The following ZNF33B variants were observed in gnomAD, a reference collection of about 807,000 sequenced individuals.
ZNF33B encodes zinc finger protein 11b (KOX 2).
In ZNF33B, 29 loss-of-function variants were observed where a neutral mutation model predicts 45.8. That is an observed-to-expected ratio of 0.63 (90% confidence interval 0.47 to 0.86). The LOEUF (loss-of-function observed/expected upper bound fraction) is 0.86. Among genes scored for constraint, ZNF33B ranks in the 40% least tolerant of loss-of-function variants. The pLI, the probability that ZNF33B is intolerant of heterozygous loss-of-function variation, is 0.00. For missense variants in ZNF33B, 831 were observed against 909.9 expected (o/e 0.91, Z 1.12); for synonymous variants, 305 against 307.8 (o/e 0.99, Z 0.10).
At chr10:42,633,523 G>C (rs1412417467) in intron 2 of ZNF33B, among the ~76,000 whole-genome samples, 1 of 152,222 alleles carries the variant, frequency 6.6e-6, no homozygotes, top group Non-Finnish European at 1.5e-5. Flanking sequence ...GCATCAAAAT[G>C]TGGTCACTAA....
chr10:42,595,748 G>A (rs2132046779), intron 4 of ZNF33B, among the ~76,000 whole-genome samples: 1 of 152,292 alleles, frequency 6.6e-6, no homozygotes, highest in African/African-American at 2.4e-5. Flanking sequence ...AGAAAAGGCT[G>A]TGTAAGGACA....
At chr10:42,581,193 A>T (rs749938207) in intron 1 of ZNF33B, among the ~76,000 whole-genome samples, 3 of 152,014 alleles carry the variant, frequency 2.0e-5, no homozygotes, top group Non-Finnish European at 4.4e-5. Flanking sequence ...CAAGAATGAA[A>T]GTGTGGCCCG....
At position 42,594,327 on chromosome 10, in the gene ZNF33B, T is replaced by A; in HGVS notation, c.623A>T (p.Gln208Leu). 1 of 1,613,934 alleles carries A rather than the reference T, an allele frequency of 6.2e-7. No homozygotes were observed. The highest frequency in any genetic ancestry group is 1.7e-5 in the Admixed American group (1 of 60,012). Reference protein sequence around the residue: ...NTLSHRENTLQHEKIQTLDHN... With the variant: ...NTLSHRENTLLHEKIQTLDHN... ...GTCTAAAGTTTGAATCTTCTCATGCTGCAAAGTGTTCTCACGATGACTCAG... is the reference window on the plus strand; with the variant it reads ...GTCTAAAGTTTGAATCTTCTCATGCAGCAAAGTGTTCTCACGATGACTCAG... The change falls in exon 5 of 5, where the codon CAG (glutamine) becomes CTG (leucine). Residue 208 changes from glutamine to leucine, a missense_variant. Transcript: ENST00000359467.
At position 42,592,981 on chromosome 10, in the gene ZNF33B, T is replaced by C; in HGVS notation, c.1969A>G (p.Arg657Gly). 6.2e-7 allele frequency: 1 copy of C among 1,614,112 alleles called. No individual in the cohort carries two copies. Reference protein sequence around the residue: ...CHKSALIVHQRTHTQEKPYKC... With the variant: ...CHKSALIVHQGTHTQEKPYKC... ...TAAGGCTTTTCTTGTGTATGGGTTC[T>C]CTGATGTACAATTAGAGCTGACTTA... Residue 657 changes from arginine (R) to glycine (G), a missense_variant, in exon 5 of 5, where the codon AGA becomes GGA. Transcript: ENST00000359467.
chr10:42,594,270 G>T lies in ZNF33B; in HGVS notation c.680C>A (p.Thr227Asn), dbSNP rs1837295764. 6.2e-7 allele frequency: 1 copy of T among 1,613,692 alleles called. No homozygotes were observed. Among genetic ancestry groups the T allele is most frequent in the South Asian group, 1.1e-5 (1 of 91,074 alleles). ...HNFEYSICQE[T>N]LLEKAVFNTR... ...ATTGAATACTGCCTTTTCAAGGAGG[G>T]TTTCCTGACATATACTGTATTCAAA... The change falls in exon 5 of 5, where the codon ACC becomes AAC. Residue 227 changes from threonine to asparagine, a missense_variant. By Grantham distance (65) the Thr-to-Asn change is moderately conservative (BLOSUM62 0). Coordinates refer to ENST00000359467, the MANE Select transcript of ZNF33B (RefSeq NM_006955.3).
At chr10:42,576,502 G>C (rs1399814917) in intron 1 of ZNF33B, among the ~76,000 whole-genome samples, 1 of 152,118 alleles carries the variant, frequency 6.6e-6, no homozygotes, top group Non-Finnish European at 1.5e-5. Context: ...AGCTTGCTGG[G>C]CATGTTTGCA....
intron 3 of ZNF33B, 31 bp downstream of exon 3, chr10:42,632,264 T>C (rs768105518): frequency 6.3e-7 from 1 of 1,581,394 alleles, no homozygotes. Context: ...AAACGAATGC[T>C]ATTTAGAATG....
At chr10:42,624,545 G>A (rs939904084) in intron 4 of ZNF33B, among the ~76,000 whole-genome samples, 3 of 152,088 alleles carry the variant, frequency 2.0e-5, no homozygotes, top group Non-Finnish European at 4.4e-5. Flanking sequence ...ACAAACCTAA[G>A]ATAAAGTTTA....
Position 42,638,470 on chromosome 10 carries a change from T to A in ZNF33B, c.-45+4A>T. On this transcript the variant is annotated splice_donor_region_variant and intron_variant, in intron 1 of 4. Coordinates refer to ENST00000359467, the MANE Select transcript of ZNF33B (RefSeq NM_006955.3). ...CCGTCCCTGCCCAACCCGCGGAGGCTTACCTCACTCTCTCTTCGGGTTGCA... is the reference window on the plus strand; with the variant it reads ...CCGTCCCTGCCCAACCCGCGGAGGCATACCTCACTCTCTCTTCGGGTTGCA... The A allele has an allele frequency of 2.3e-6, 1 of 428,994 alleles. No individual in the cohort carries two copies. The highest frequency in any genetic ancestry group is 4.6e-6 in the Non-Finnish European group (1 of 215,456). 26.6% of individuals were successfully genotyped at this position (428,994 alleles called of 1,614,324 possible). A position where few individuals can be genotyped will look rare whatever the true frequency, so the allele number is the denominator to read the frequency against.
intron 4 of ZNF33B, among the ~76,000 whole-genome samples, chr10:42,605,844 C>T (rs1227649448): frequency 6.6e-6 from 1 of 152,010 alleles, no homozygotes; most frequent in Non-Finnish European, 1.5e-5. Flanking sequence ...GCCAGTAATC[C>T]CAACACTTTG....
intron 4 of ZNF33B, among the ~76,000 whole-genome samples, chr10:42,607,352 G>C (rs1270871897): frequency 2.6e-5 from 4 of 151,044 alleles, no homozygotes; most frequent in Non-Finnish European, 5.9e-5. Context: ...AACAAACATA[G>C]AGAGTGGAAT....
At chr10:42,616,399 AAC>A (rs1245171043) in intron 4 of ZNF33B, among the ~76,000 whole-genome samples, 1 of 152,190 alleles carries the variant, frequency 6.6e-6, no homozygotes, top group Admixed American at 6.5e-5. Context: ...GTGTATAAAT[AAC>A]ACAACTGATA....
chr10:42,581,159 G>A (rs1836816413), intron 1 of ZNF33B, among the ~76,000 whole-genome samples: 1 of 152,106 alleles, frequency 6.6e-6, no homozygotes, highest in Non-Finnish European at 1.5e-5. Context: ...ACCCAGTCCA[G>A]GTGTCAGAGT....
At position 42,617,092 on chromosome 10, in the gene ZNF33B, CTT is replaced by C. The variant is rs199977911; in HGVS notation, c.250+14835_250+14836del. Among the ~76,000 whole-genome samples, 261 of 61,126 alleles carry C rather than the reference CTT, an allele frequency of 4.3e-3. 7 individuals carry two copies. The highest frequency in any genetic ancestry group is 0.014 in the African/African-American group (249 of 17,216). 40.1% of individuals were successfully genotyped at this position (61,126 alleles called of 152,430 possible). On this transcript the variant is annotated intron_variant, in intron 4 of 4. Transcript: ENST00000359467. ...TTGAAGAAAATTGTTCATTTTTTCT[CTT>C]TTTTTTTTTTTTTTTTTTTTTTTTT...
At chr10:42,611,197 C>G (rs1200370580) in intron 4 of ZNF33B, among the ~76,000 whole-genome samples, 1 of 151,774 alleles carries the variant, frequency 6.6e-6, no homozygotes, top group African/African-American at 2.4e-5. Flanking sequence ...AAAAATTAGC[C>G]AAGTGTGGTG....
At chr10:42,581,243 T>C (rs1228836720) in intron 1 of ZNF33B, among the ~76,000 whole-genome samples, 1 of 151,798 alleles carries the variant, frequency 6.6e-6, no homozygotes, top group African/African-American at 2.4e-5. Flanking sequence ...CCCAGCGCTT[T>C]TGGAGGTTGA....
At chr10:42,596,592 A>AG in intron 4 of ZNF33B, among the ~76,000 whole-genome samples, 1 of 152,254 alleles carries the variant, frequency 6.6e-6, no homozygotes, top group Non-Finnish European at 1.5e-5. Context: ...ATAAGCAGGG[A>AG]GTTCCACTTG....
In ZNF33B at chr10:42,593,324, T is replaced by C. The variant is rs1411161330; in HGVS notation, c.1626A>G (p.Ile542Met). The C allele has an allele frequency of 6.2e-7, 1 of 1,613,874 alleles. No individual in the cohort carries two copies. The highest frequency in any genetic ancestry group is 1.1e-5 in the South Asian group (1 of 91,060). Residue 542 changes from isoleucine to methionine, a missense_variant, in exon 5 of 5, where the codon ATA becomes ATG. Transcript: ENST00000359467. ...TCTCCCCTGTGTGCGTTCTCTGATG[T>C]ATTGTGAGGTCTGACTTCAAGCAGA... is the stretch of plus-strand genomic sequence containing the variant. ...KTFCLKSDLT[I>M]HQRTHTGEKP...
At chr10:42,577,912 G>A (rs1364435273) in intron 1 of ZNF33B, among the ~76,000 whole-genome samples, 15 of 152,172 alleles carry the variant, frequency 9.9e-5, no homozygotes, top group East Asian at 1.9e-4. Context: ...GACATCAGGC[G>A]GCTGCCCTGA....
Sources: gnomAD v4.1 joint callset for allele counts (sites outside exome capture counted in the v4.1 genomes callset) on GRCh38, gnomAD v4.1.1 for gene constraint, MANE v1.5 for transcripts, NCBI Gene and HGNC (gene_info 2026-07-23, HGNC 2026-07-21) for gene names.